EXT1: variants seen among roughly 807,000 people sequenced by gnomAD.
EXT1 encodes exostosin-1.
A neutral mutation model predicts 82.5 loss-of-function variants in EXT1; 20 were observed. The observed-to-expected ratio is 0.24, with a 90% CI of 0.17 to 0.35. The LOEUF (loss-of-function observed/expected upper bound fraction) is 0.35. Ranked by LOEUF, EXT1 falls within the 10% of genes least tolerant of loss-of-function variation. EXT1 has a pLI of 1.00. For synonymous variants in EXT1, 348 were observed against 350.8 expected, an observed-to-expected ratio of 0.99 and a Z score of 0.09; for missense variants, 757 against 936.5, an observed-to-expected ratio of 0.81 and a Z score of 2.50.
chr8:118,032,598 C>T (rs1640452800), intron 1 of EXT1, among the ~76,000 whole-genome samples: 1 of 151,412 alleles, frequency 6.6e-6, no homozygotes, highest in Non-Finnish European at 1.5e-5. Context: ...GCATCCTCCG[C>T]CTCCCAGGTT....
chr8:117,966,041 T>C (rs1043982128), intron 1 of EXT1, among the ~76,000 whole-genome samples: 4 of 152,052 alleles, frequency 2.6e-5, no homozygotes, highest in African/African-American at 9.7e-5. Flanking sequence ...TACATATATA[T>C]ACTCACAGAA....
intron 1 of EXT1, among the ~76,000 whole-genome samples, chr8:118,109,726 G>T (rs974424533): frequency 1.3e-5 from 2 of 152,086 alleles, no homozygotes; most frequent in African/African-American, 2.4e-5. Context: ...CGGGTCTCTA[G>T]ATACCCTCAG....
intron 1 of EXT1, among the ~76,000 whole-genome samples, chr8:117,934,033 A>G (rs1814111617): frequency 6.6e-6 from 1 of 152,050 alleles, no homozygotes; most frequent in Non-Finnish European, 1.5e-5. Context: ...TTCTGGACAC[A>G]GGATATCTCT....
rs1563581243 is a variant in EXT1 at position 117,856,421 on chromosome 8, A to ATTTT, written c.963-19221_963-19220insAAAA. Reference sequence around the variant, plus strand: ...AGGCGCCAGCCACCACGCCTGGCTAAATTTTTTTTTTTTTTTTTTTTTTTT... The same window carrying ATTTT: ...AGGCGCCAGCCACCACGCCTGGCTAATTTTATTTTTTTTTTTTTTTTTTTTTTTT... On this transcript the variant is annotated intron_variant, in intron 1 of 10. Transcript: ENST00000378204. Among the ~76,000 whole-genome samples the ATTTT allele has an allele frequency of 5.5e-3, 661 of 119,892 alleles. 2 individuals are homozygous for ATTTT. The highest frequency in any genetic ancestry group is 8.7e-3 in the Admixed American group (107 of 12,236). The allele number at this position is 119,892 out of a possible 152,430, so 78.7% of individuals were successfully genotyped here. A position where few individuals can be genotyped will look rare whatever the true frequency, so the allele number is the denominator to read the frequency against.
intron 1 of EXT1, among the ~76,000 whole-genome samples, chr8:117,881,004 G>C (rs983825671): frequency 6.6e-6 from 1 of 151,990 alleles, no homozygotes; most frequent in Admixed American, 6.6e-5. Flanking sequence ...TCTTGTTTTG[G>C]ATTAGGTGTA....
rs76272968 is a variant in EXT1, at chr8:117,969,917, C to T, written c.963-132716G>A. On this transcript the variant is annotated intron_variant, in intron 1 of 10. Coordinates refer to ENST00000378204, the MANE Select transcript of EXT1 (RefSeq NM_000127.3). ...ACAGGATTGAAATGGATCCAAGTTACCTTGATTAGCTGATTTTTAAAAGAT... is the reference window on the plus strand; with the variant it reads ...ACAGGATTGAAATGGATCCAAGTTATCTTGATTAGCTGATTTTTAAAAGAT... Among the ~76,000 whole-genome samples the T allele has an allele frequency of 4.7e-4, 72 of 152,264 alleles. 1 individual carries two copies. In the East Asian group the frequency reaches 0.014, roughly 29 times the overall value.
chr8:118,076,204 A>G (rs1034025447), intron 1 of EXT1, among the ~76,000 whole-genome samples: 5 of 152,188 alleles, frequency 3.3e-5, no homozygotes, highest in African/African-American at 1.2e-4. Context: ...CTGCTTTTAC[A>G]TGTACATGTA....
chr8:118,026,162 A>T (rs1816197630), intron 1 of EXT1, among the ~76,000 whole-genome samples: 1 of 152,130 alleles, frequency 6.6e-6, no homozygotes, highest in South Asian at 2.1e-4. Context: ...AAGACCTACA[A>T]TCTTCTTAGG....
chr8:118,033,542 G>A (rs1404717391), intron 1 of EXT1, among the ~76,000 whole-genome samples: 3 of 152,154 alleles, frequency 2.0e-5, no homozygotes, highest in African/African-American at 7.2e-5. Context: ...GCAGTGGCAT[G>A]ATCATAGTTC....
chr8:118,057,174 T>A (rs1816806941), intron 1 of EXT1, among the ~76,000 whole-genome samples: 1 of 152,192 alleles, frequency 6.6e-6, no homozygotes, highest in Non-Finnish European at 1.5e-5. Flanking sequence ...TGTGATTGGT[T>A]AATTCGTGAA....
At chr8:117,881,715 C>T (rs753771679) in intron 1 of EXT1, among the ~76,000 whole-genome samples, 20 of 152,208 alleles carry the variant, frequency 1.3e-4, no homozygotes, top group Non-Finnish European at 2.6e-4. Context: ...ACTCAAGTCA[C>T]TGTTTGTCCC....
chr8:117,985,450 T>C (rs1815297927), intron 1 of EXT1, among the ~76,000 whole-genome samples: 1 of 152,188 alleles, frequency 6.6e-6, no homozygotes, highest in South Asian at 2.1e-4. Context: ...AATATCTGCA[T>C]ATTGGGATCT....
At chr8:117,946,355 TTTTG>T (rs1004696308) in intron 1 of EXT1, among the ~76,000 whole-genome samples, 4 of 144,206 alleles carry the variant, frequency 2.8e-5, no homozygotes, top group Admixed American at 7.5e-5. Flanking sequence ...AGTAATGGTT[TTTTG>T]TTTTTTACTT....
chr8:117,925,359 C>CAA (rs5894404), intron 1 of EXT1, among the ~76,000 whole-genome samples: 4,832 of 142,290 alleles, frequency 0.034, 108 homozygotes, highest in Non-Finnish European at 0.049. Flanking sequence ...GCAACCACCT[C>CAA]AAAAAAAAAA....
intron 1 of EXT1, among the ~76,000 whole-genome samples, chr8:118,098,627 C>T (rs1416733427): frequency 1.3e-5 from 2 of 151,884 alleles, no homozygotes; most frequent in African/African-American, 4.8e-5. Context: ...GGCATGGTGG[C>T]GGGTGCCTGT....
At chr8:117,865,303 G>A (rs1309896389) in intron 1 of EXT1, among the ~76,000 whole-genome samples, 1 of 152,160 alleles carries the variant, frequency 6.6e-6, no homozygotes, top group African/African-American at 2.4e-5. Context: ...GAGTAGCTGG[G>A]ACTACAGGTC....
intron 1 of EXT1, among the ~76,000 whole-genome samples, chr8:117,838,110 C>T (rs767172993): frequency 6.6e-6 from 1 of 152,142 alleles, no homozygotes; most frequent in Non-Finnish European, 1.5e-5. Flanking sequence ...GTTTCAAGTA[C>T]ATTATGAGTT....
At chr8:117,920,045 G>C (rs1813825343) in intron 1 of EXT1, among the ~76,000 whole-genome samples, 1 of 152,006 alleles carries the variant, frequency 6.6e-6, no homozygotes, top group Non-Finnish European at 1.5e-5. Flanking sequence ...AAGGAACAGG[G>C]GTTTGAGGTT....
intron 1 of EXT1, among the ~76,000 whole-genome samples, chr8:118,058,412 C>T (rs958599200): frequency 6.6e-6 from 1 of 152,118 alleles, no homozygotes; most frequent in African/African-American, 2.4e-5. Context: ...AAAGACTGAA[C>T]TCTAATAACT....
Sources: allele counts gnomAD v4.1 joint callset (sites outside exome capture counted in the v4.1 genomes callset), GRCh38; gene constraint gnomAD v4.1.1; transcripts MANE v1.5; gene names NCBI Gene and HGNC (gene_info 2026-07-23, HGNC 2026-07-21).